Variants in SASH1 observed in about 807,000 individuals in gnomAD.
SASH1 encodes SAM and SH3 domain containing 1.
In SASH1, 44 loss-of-function variants were observed where a neutral mutation model predicts 125.2. The observed-to-expected ratio is 0.35, with a 90% CI of 0.28 to 0.45. SASH1 has a LOEUF of 0.45. SASH1 is among the 20% of genes least tolerant of loss of function. The pLI is 1.00. For synonymous variants in SASH1, 639 were observed against 649.1 expected (o/e 0.98, Z 0.24); for missense variants, 1,426 against 1,614.5 (o/e 0.88, Z 2.00).
intron 11 of SASH1, among the ~76,000 whole-genome samples, chr6:148,526,890 TGAGAGG>T (rs1226337289): frequency 6.8e-6 from 1 of 147,170 alleles, no homozygotes. Flanking sequence ...TTTTTCCCTC[TGAGAGG>T]GAGTCTCACT....
intron 1 of SASH1, among the ~76,000 whole-genome samples, chr6:148,378,053 A>T (rs898969483): frequency 2.8e-4 from 40 of 140,520 alleles, no homozygotes; most frequent in African/African-American, 9.9e-4. Context: ...GTCACCCACA[A>T]TTTTTTTTTT....
At chr6:148,194,850 G>A in the SASH1 span, among the ~76,000 whole-genome samples, 4 of 152,244 alleles carry the variant, frequency 2.6e-5, no homozygotes, top group Non-Finnish European at 5.9e-5. Flanking sequence ...AGCTGGCAGT[G>A]AGCCGAGATC....
At chr6:148,412,701 A>G (rs916675332) in intron 2 of SASH1, among the ~76,000 whole-genome samples, 6 of 152,156 alleles carry the variant, frequency 3.9e-5, no homozygotes, top group African/African-American at 1.4e-4. Context: ...GAGGGCAGCA[A>G]GTTCTTCATG....
chr6:148,316,152 T>C (rs1325771801), intron 1 of SASH1, among the ~76,000 whole-genome samples: 2 of 152,184 alleles, frequency 1.3e-5, no homozygotes, highest in African/African-American at 4.8e-5. Context: ...TTACTGAGAA[T>C]ATAATATTAC....
intron 7 of SASH1, chr6:148,480,026 GGAGA>G (rs1778544351): frequency 6.6e-6 from 1 of 152,452 alleles, no homozygotes; most frequent in Admixed American, 6.6e-5. Context: ...AACTGTCCGT[GGAGA>G]GGATCTACCT....
chr6:148,233,493 C>T, the SASH1 span, among the ~76,000 whole-genome samples: 5 of 151,848 alleles, frequency 3.3e-5, no homozygotes, highest in Non-Finnish European at 7.4e-5. Context: ...GTACTATGTG[C>T]CAATCATTGG....
At chr6:148,538,610 C>G (rs145679334) in intron 16 of SASH1, among the ~76,000 whole-genome samples, 1 of 152,134 alleles carries the variant, frequency 6.6e-6, no homozygotes, top group African/African-American at 2.4e-5. Context: ...GAGGGACTTA[C>G]GCTGCCACGA....
At chr6:148,350,055 C>A (rs1277874401) in intron 1 of SASH1, among the ~76,000 whole-genome samples, 2 of 152,112 alleles carry the variant, frequency 1.3e-5, no homozygotes, top group Admixed American at 6.5e-5. Flanking sequence ...CCGTGTTAGC[C>A]AGGATGGTCT....
chr6:148,476,739 A>G lies in SASH1; in HGVS notation c.627+2517A>G, dbSNP rs114948235. ...CTTAAAATTTGTATTGAACCACAGA[A>G]TACCTAGAACAGCCAAAGCCACCCT... On this transcript the variant is annotated intron_variant, in intron 7 of 19. Coordinates refer to ENST00000367467, the MANE Select transcript of SASH1 (RefSeq NM_015278.5). Among the ~76,000 whole-genome samples the G allele has an allele frequency of 4.3e-3, 660 of 152,322 alleles. 3 individuals are homozygous for G. Among genetic ancestry groups the G allele is most frequent in the African/African-American group, 0.015 (620 of 41,576 alleles).
intron 1 of SASH1, among the ~76,000 whole-genome samples, chr6:148,364,845 G>A (rs1435794801): frequency 6.6e-6 from 1 of 152,090 alleles, no homozygotes; most frequent in Non-Finnish European, 1.5e-5. Flanking sequence ...CCCTCCGGCC[G>A]GGCACAGTGC....
chr6:148,374,715 G>A (rs13216845), intron 1 of SASH1, among the ~76,000 whole-genome samples: 1 of 150,736 alleles, frequency 6.6e-6, no homozygotes, highest in Non-Finnish European at 1.5e-5. Context: ...GGGGGGGGGG[G>A]AGATGGAGTC....
At chr6:148,298,707 AAGGAAGAAGGAAGGG>A (rs1210699138) in intron 1 of SASH1, among the ~76,000 whole-genome samples, 81 of 82,150 alleles carry the variant, frequency 9.9e-4, no homozygotes, top group African/African-American at 3.8e-3. Flanking sequence ...GGAAGGAAGG[AAGGAAGAAGGAAGGG>A]AAAGGAGGGA....
At chr6:148,280,702 G>A (rs1283723080) in intron 1 of SASH1, among the ~76,000 whole-genome samples, 1 of 152,110 alleles carries the variant, frequency 6.6e-6, no homozygotes, top group Non-Finnish European at 1.5e-5. Flanking sequence ...CAGCTACTCG[G>A]GAGGCTGCAG....
chr6:148,406,419 T>C (rs1312578349), intron 2 of SASH1, among the ~76,000 whole-genome samples: 1 of 152,226 alleles, frequency 6.6e-6, no homozygotes, highest in Non-Finnish European at 1.5e-5. Context: ...TGTGAAATAG[T>C]GTTACAGTTT....
At chr6:148,353,981 G>A (rs1583009022) in intron 1 of SASH1, among the ~76,000 whole-genome samples, 1 of 152,102 alleles carries the variant, frequency 6.6e-6, no homozygotes, top group African/African-American at 2.4e-5. Flanking sequence ...ACTGGCCTGA[G>A]CAAGATGGAG....
chr6:148,352,944 C>T (rs1310623479), intron 1 of SASH1, among the ~76,000 whole-genome samples: 3 of 151,730 alleles, frequency 2.0e-5, no homozygotes, highest in African/African-American at 4.8e-5. Flanking sequence ...TACGCCAGCC[C>T]GGGTGACAGA....
chr6:148,460,228 G>A (rs1300241537), intron 4 of SASH1, among the ~76,000 whole-genome samples: 1 of 152,200 alleles, frequency 6.6e-6, no homozygotes, highest in Non-Finnish European at 1.5e-5. Context: ...TTATTTTTCT[G>A]AGCAAGATGC....
At chr6:148,353,369 A>T (rs1481492901) in intron 1 of SASH1, among the ~76,000 whole-genome samples, 1 of 151,454 alleles carries the variant, frequency 6.6e-6, no homozygotes, top group African/African-American at 2.4e-5. Context: ...GAACCACTGC[A>T]TTACTAATTT....
Position 148,529,138 on chromosome 6 carries a change from T to C in SASH1, c.1428+1542T>C, listed in dbSNP as rs941442544. On this transcript the variant is annotated intron_variant, in intron 12 of 19. Transcript: ENST00000367467. This position sits in a 1 kb window ranked among gnomAD's most constrained non-coding sequence, Gnocchi z 4.2. ...TGAAAACAGATGAAGCTTGGCCTGC[T>C]CACCCGCCACTCACCTCCTGCTGTA... is the stretch of plus-strand genomic sequence containing the variant. Among the ~76,000 whole-genome samples, 121 of 152,226 alleles carry C rather than the reference T, an allele frequency of 7.9e-4. 1 individual carries two copies. Among genetic ancestry groups the C allele is most frequent in the South Asian group, 3.9e-3 (19 of 4,820 alleles).
Sources: allele counts gnomAD v4.1 joint callset (sites outside exome capture counted in the v4.1 genomes callset), GRCh38; gene constraint gnomAD v4.1.1; non-coding constraint Gnocchi (gnomAD v3.1); transcripts MANE v1.5; gene names NCBI Gene and HGNC (gene_info 2026-07-23, HGNC 2026-07-21).